CDYL2: variants seen among roughly 807,000 people sequenced by gnomAD.
The protein encoded by CDYL2 is chromodomain Y like 2, also known as chromodomain Y-like protein 2.
A neutral mutation model predicts 49.4 loss-of-function variants in CDYL2; 23 were observed. The observed-to-expected ratio is 0.47, with a 90% CI of 0.34 to 0.66. The LOEUF is 0.66. CDYL2 is among the 30% of genes least tolerant of loss of function. CDYL2 has a pLI of 0.01. For missense variants in CDYL2, 678 were observed against 656.4 expected (o/e 1.03, Z -0.36); for synonymous variants, 360 against 268.8 (o/e 1.34, Z -3.32).
At chr16:80,663,268 A>G (rs533045141) in intron 2 of CDYL2, among the ~76,000 whole-genome samples, 27 of 151,594 alleles carry the variant, frequency 1.8e-4, no homozygotes, top group African/African-American at 6.0e-4. Context: ...CCGGTCATCA[A>G]TCATGTCAGG....
At position 80,757,553 on chromosome 16, in the gene CDYL2, AAT is replaced by A. The variant is rs1555535735; in HGVS notation, c.24+46595_24+46596del. On this transcript the variant is annotated intron_variant, in intron 1 of 6. Transcript: ENST00000570137. ...GACTCTGTCTCAAAAAAAAAAAAAA[AAT>A]ATATATATATATACACACACACATA... Among the ~76,000 whole-genome samples the A allele has an allele frequency of 2.5e-4, 36 of 143,858 alleles. 1 individual carries two copies. The highest frequency in any genetic ancestry group is 6.5e-4 in the South Asian group (3 of 4,644). 94.4% of individuals were successfully genotyped at this position (143,858 alleles called of 152,430 possible).
chr16:80,647,593 G>A (rs960855266), intron 2 of CDYL2, among the ~76,000 whole-genome samples: 1 of 152,152 alleles, frequency 6.6e-6, no homozygotes, highest in Non-Finnish European at 1.5e-5. Context: ...AATAAGAGCT[G>A]TAGACTTGAA....
intron 2 of CDYL2, among the ~76,000 whole-genome samples, chr16:80,642,413 G>C (rs184505988): frequency 6.6e-6 from 1 of 152,286 alleles, no homozygotes; most frequent in Non-Finnish European, 1.5e-5. Flanking sequence ...CTGCAGTCTA[G>C]CCTGGGTTAA....
At chr16:80,739,435 T>C (rs1226290211) in intron 1 of CDYL2, among the ~76,000 whole-genome samples, 4 of 152,150 alleles carry the variant, frequency 2.6e-5, no homozygotes, top group Non-Finnish European at 5.9e-5. Context: ...TATCACAATC[T>C]AAAAAAGAAT....
intron 1 of CDYL2, among the ~76,000 whole-genome samples, chr16:80,761,672 G>A (rs1377342396): frequency 6.7e-6 from 1 of 150,228 alleles, no homozygotes; most frequent in East Asian, 1.9e-4. Flanking sequence ...AGGTGACTTA[G>A]ATGTGAAAGC....
intron 3 of CDYL2, among the ~76,000 whole-genome samples, chr16:80,625,460 T>C (rs1417020061): frequency 6.6e-6 from 1 of 152,238 alleles, no homozygotes; most frequent in Non-Finnish European, 1.5e-5. Flanking sequence ...GTCAGCTAAC[T>C]GGCACCCTTA....
chr16:80,633,265 A>C (rs781367503), intron 2 of CDYL2, 29 bp from the exon 3 acceptor site: 2 of 1,598,522 alleles, frequency 1.3e-6, no homozygotes, highest in South Asian at 1.1e-5. Context: ...CAATGTAAGA[A>C]ACTGAAATGG....
chr16:80,710,699 T>C (rs551624144), intron 1 of CDYL2, among the ~76,000 whole-genome samples: 2 of 152,258 alleles, frequency 1.3e-5, no homozygotes, highest in Admixed American at 6.5e-5. Context: ...AGGTGATCTA[T>C]TGTACATCTT....
chr16:80,616,627 GC>G (rs1310336817), intron 4 of CDYL2, among the ~76,000 whole-genome samples: 4 of 152,094 alleles, frequency 2.6e-5, no homozygotes, highest in African/African-American at 7.2e-5. Flanking sequence ...CCATCCTGGG[GC>G]CCCCAGAGAG....
chr16:80,728,059 G>C (rs921729569), intron 1 of CDYL2, among the ~76,000 whole-genome samples: 1 of 152,236 alleles, frequency 6.6e-6, no homozygotes, highest in East Asian at 1.9e-4. Flanking sequence ...TCCTCCAAAG[G>C]ATGGCAGTTC....
rs368112457 is a variant in CDYL2 at position 80,777,598 on chromosome 16, T to C, written c.24+26552A>G. 4.6e-5 allele frequency among the ~76,000 whole-genome samples: 7 copies of C among 152,182 alleles called. No homozygotes were observed. In the East Asian group the frequency reaches 7.7e-4, roughly 17 times the overall value. On this transcript the variant is annotated intron_variant, in intron 1 of 6. Coordinates refer to ENST00000570137, the MANE Select transcript of CDYL2 (RefSeq NM_152342.4). ...TACATTTTGTACATTTTCAGATAAA[T>C]GTTAAAATAAGAATAAAATGATGTT...
At chr16:80,719,556 G>A (rs765312544) in intron 1 of CDYL2, among the ~76,000 whole-genome samples, 14 of 152,170 alleles carry the variant, frequency 9.2e-5, no homozygotes, top group South Asian at 2.1e-4. Flanking sequence ...ATAATTTTCA[G>A]CTCTGCAGGC....
intron 1 of CDYL2, among the ~76,000 whole-genome samples, chr16:80,720,597 T>C (rs1033255245): frequency 6.6e-6 from 1 of 152,196 alleles, no homozygotes; most frequent in African/African-American, 2.4e-5. Flanking sequence ...TCCCCATTAA[T>C]CCCTTCAACG....
chr16:80,622,536 A>C (rs1243092762), intron 3 of CDYL2, among the ~76,000 whole-genome samples: 1 of 152,146 alleles, frequency 6.6e-6, no homozygotes, highest in Non-Finnish European at 1.5e-5. Flanking sequence ...TATTTTAATA[A>C]AGACAGGAAT....
At chr16:80,802,494 G>A (rs879739946) in intron 1 of CDYL2, among the ~76,000 whole-genome samples, 8 of 152,168 alleles carry the variant, frequency 5.3e-5, no homozygotes, top group African/African-American at 7.2e-5. Flanking sequence ...AGACCAAGGC[G>A]CTTGGGTGAT....
chr16:80,653,569 G>A (rs1165906449), intron 2 of CDYL2, among the ~76,000 whole-genome samples: 1 of 151,978 alleles, frequency 6.6e-6, no homozygotes, highest in East Asian at 1.9e-4. Flanking sequence ...TAACTTTTGT[G>A]AGTACATAAT....
At chr16:80,652,552 T>A (rs1371149029) in intron 2 of CDYL2, among the ~76,000 whole-genome samples, 2 of 152,216 alleles carry the variant, frequency 1.3e-5, no homozygotes, top group East Asian at 3.8e-4. Context: ...TAACTTCCCA[T>A]TCCTGAGTGA....
Position 80,614,695 on chromosome 16 carries a change from C to A in CDYL2, c.1008-1859G>T, listed in dbSNP as rs1906748352. ...CCTGGCCAATATGGTGAAACCCCATCTCTACTAAAAATACAAAAATTAGCT... is the reference window on the plus strand; with the variant it reads ...CCTGGCCAATATGGTGAAACCCCATATCTACTAAAAATACAAAAATTAGCT... On this transcript the variant is annotated intron_variant, in intron 4 of 6. Transcript: ENST00000570137. Among the ~76,000 whole-genome samples, 3 of 152,018 alleles carry A rather than the reference C, an allele frequency of 2.0e-5. No homozygotes were observed. In the East Asian group the frequency reaches 5.8e-4, roughly 29 times the overall value.
chr16:80,801,617 T>C (rs1907929846), intron 1 of CDYL2, among the ~76,000 whole-genome samples: 1 of 152,260 alleles, frequency 6.6e-6, no homozygotes, highest in South Asian at 2.1e-4. Flanking sequence ...GAAGCCATTT[T>C]ATGTACACTT....
Sources: gnomAD v4.1 joint callset for allele counts (sites outside exome capture counted in the v4.1 genomes callset) on GRCh38, gnomAD v4.1.1 for gene constraint, MANE v1.5 for transcripts, NCBI Gene and HGNC (gene_info 2026-07-23, HGNC 2026-07-21) for gene names.